ZNF782: variants seen among roughly 807,000 people sequenced by gnomAD.
ZNF782 encodes zinc finger protein 782.
Under a neutral mutation model 13.0 loss-of-function variants are expected in ZNF782, and 12 were observed. The observed-to-expected ratio is 0.92, with a 90% CI of 0.59 to 1.50. ZNF782 has a LOEUF of 1.50. Ranked by LOEUF, ZNF782 falls within the 40% of genes most tolerant of loss-of-function variation. The pLI is 0.00. For missense variants in ZNF782, 770 were observed against 822.9 expected (o/e 0.94, Z 0.79); for synonymous variants, 284 against 283.0 (o/e 1.00, Z -0.04).
chr9:96,855,694 G>A (rs1307565021), upstream of ZNF782, among the ~76,000 whole-genome samples: 1 of 152,150 alleles, frequency 6.6e-6, no homozygotes, highest in Non-Finnish European at 1.5e-5. Context: ...TTTTGCAATC[G>A]CAAATTGTGC....
upstream of ZNF782, among the ~76,000 whole-genome samples, chr9:96,880,335 G>T (rs1467204797): frequency 6.6e-6 from 1 of 152,204 alleles, no homozygotes; most frequent in East Asian, 1.9e-4. Context: ...GCAGTGGGGA[G>T]ATCAGACACA....
Position 96,817,834 on chromosome 9 carries a change from G to T in ZNF782, c.*89C>A. 8.5e-7 allele frequency: 1 copy of T among 1,178,252 alleles called. No individual in the cohort carries two copies. The highest frequency in any genetic ancestry group is 1.2e-6 in the Non-Finnish European group (1 of 845,744). The allele number at this position is 1,178,252 out of a possible 1,614,324, so 73.0% of individuals were successfully genotyped here. ...TAGAGGAAATTCCAGTGCTCACTAT[G>T]TTAACAGTTCTCTCCTGTGTGTTCA... On this transcript the variant is annotated 3_prime_UTR_variant, in exon 6 of 6. Transcript: ENST00000481138.
chr9:96,854,297 T>A lies in ZNF782; in HGVS notation c.-471A>T, dbSNP rs920147026. 1.3e-5 allele frequency: 2 copies of A among 152,214 alleles called. No homozygotes were observed. Among genetic ancestry groups the A allele is most frequent in the African/African-American group, 4.8e-5 (2 of 41,402 alleles). 9.4% of individuals were successfully genotyped at this position (152,214 alleles called of 1,614,324 possible). ...CCGCCCCGGGAGCCAGCGGCCGAAG[T>A]CCCTCTCCAGCGGCCGGGAAGGCCG... On this transcript the variant is annotated 5_prime_UTR_variant, in exon 1 of 6. Transcript: ENST00000481138.
chr9:96,823,247 T>C (rs1484515792), intron 5 of ZNF782, among the ~76,000 whole-genome samples: 1 of 152,198 alleles, frequency 6.6e-6, no homozygotes, highest in Non-Finnish European at 1.5e-5. Context: ...CTGACCAAAA[T>C]AGGCAGCAGG....
At chr9:96,909,989 C>A in the ZNF782 span, 4 of 494,078 alleles carry the variant, frequency 8.1e-6, 1 homozygote, top group Non-Finnish European at 1.6e-5. Context: ...CTGCCTCCAC[C>A]GCAGACTCTG....
chr9:96,925,096 G>A, the ZNF782 span, among the ~76,000 whole-genome samples: 7 of 152,142 alleles, frequency 4.6e-5, no homozygotes, highest in African/African-American at 1.4e-4. Flanking sequence ...CGCCCTTTCC[G>A]CTCGCGCTGC....
chr9:96,917,887 C>CGCGTGTGTGTGTGTGTGTGTGTGT, the ZNF782 span, among the ~76,000 whole-genome samples: 2 of 121,682 alleles, frequency 1.6e-5, no homozygotes, highest in African/African-American at 7.2e-5. Context: ...CCACCCTTGG[C>CGCGTGTGTGTGTGTGTGTGTGTGT]GTGTGTGTGT....
intron 5 of ZNF782, among the ~76,000 whole-genome samples, chr9:96,820,434 T>C (rs1850373408): frequency 6.6e-6 from 1 of 152,144 alleles, no homozygotes. Context: ...TAAGTGGAAA[T>C]GTAAAATTGA....
upstream of ZNF782, among the ~76,000 whole-genome samples, chr9:96,878,034 T>C (rs903250865): frequency 6.6e-6 from 1 of 152,256 alleles, no homozygotes; most frequent in Non-Finnish European, 1.5e-5. Context: ...TGTTATTTTA[T>C]TCTCCTTAAG....
the ZNF782 span, among the ~76,000 whole-genome samples, chr9:96,901,386 C>CGAGAAT: frequency 4.7e-5 from 7 of 149,980 alleles, no homozygotes; most frequent in Admixed American, 4.6e-4. Flanking sequence ...ATTCTCCTGC[C>CGAGAAT]TCAGCCTCCC....
the ZNF782 span, chr9:96,891,784 T>A: frequency 6.6e-6 from 1 of 152,110 alleles, no homozygotes; most frequent in Non-Finnish European, 1.5e-5. Context: ...GTCTTGGTGA[T>A]CCACCCGCCT....
intron 1 of ZNF782, among the ~76,000 whole-genome samples, chr9:96,853,493 G>C (rs748033970): frequency 6.6e-6 from 1 of 152,162 alleles, no homozygotes; most frequent in Non-Finnish European, 1.5e-5. Context: ...GACCTGACCT[G>C]AGAAACCATG....
chr9:96,831,321 C>T (rs1025769943), intron 4 of ZNF782, among the ~76,000 whole-genome samples: 4 of 152,166 alleles, frequency 2.6e-5, no homozygotes, highest in Non-Finnish European at 5.9e-5. Flanking sequence ...GAACTATACA[C>T]TTGTTGTGCC....
At chr9:96,889,837 C>T in the ZNF782 span, 1 of 152,200 alleles carries the variant, frequency 6.6e-6, no homozygotes, top group African/African-American at 2.4e-5. Flanking sequence ...TATTTAATCT[C>T]AACAAAGAGC....
chr9:96,837,165 A>G (rs1417837757), intron 4 of ZNF782, among the ~76,000 whole-genome samples: 1 of 152,166 alleles, frequency 6.6e-6, no homozygotes, highest in Non-Finnish European at 1.5e-5. Flanking sequence ...TTTCTCGCCT[A>G]GCCCTTAGAA....
chr9:96,931,741 C>A, the ZNF782 span: 3 of 1,610,484 alleles, frequency 1.9e-6, no homozygotes, highest in Non-Finnish European at 2.5e-6. Context: ...TGCTGGGACC[C>A]GGCGTGACCG....
At chr9:96,852,397 C>T (rs1432647364) in intron 2 of ZNF782, among the ~76,000 whole-genome samples, 7 of 152,124 alleles carry the variant, frequency 4.6e-5, no homozygotes, top group Non-Finnish European at 8.8e-5. Flanking sequence ...CCCAGCACTT[C>T]GGGAGGCCAA....
At chr9:96,859,791 C>T (rs1046646729) in intron 3 of ZNF782, among the ~76,000 whole-genome samples, 3 of 152,166 alleles carry the variant, frequency 2.0e-5, no homozygotes, top group Admixed American at 6.5e-5. Flanking sequence ...AGCTCAGCTA[C>T]AGTGGAGAAG....
At chr9:96,875,741 C>T, upstream of ZNF782, 1 of 379,458 alleles carries the variant, frequency 2.6e-6, no homozygotes, top group Non-Finnish European at 5.2e-6. Flanking sequence ...ATCACAAGCC[C>T]CATTCTCACT....
Sources: allele counts gnomAD v4.1 joint callset (sites outside exome capture counted in the v4.1 genomes callset), GRCh38; gene constraint gnomAD v4.1.1; transcripts MANE v1.5; gene names NCBI Gene and HGNC (gene_info 2026-07-23, HGNC 2026-07-21).